FKBP5: variants seen among roughly 807,000 people sequenced by gnomAD.
FKBP5 encodes FKBP prolyl isomerase 5.
A neutral mutation model predicts 50.5 loss-of-function variants in FKBP5; 23 were observed. The observed-to-expected ratio is 0.46, with a 90% CI of 0.33 to 0.65. The LOEUF is 0.65. Ranked by LOEUF, FKBP5 falls within the 30% of genes least tolerant of loss-of-function variation. The pLI, the probability that FKBP5 is intolerant of heterozygous loss-of-function variation, is 0.02. For missense variants in FKBP5, 411 were observed against 553.1 expected (o/e 0.74, Z 2.58); for synonymous variants, 176 against 190.6 (o/e 0.92, Z 0.63).
chr6:35,702,420 AAC>A (rs1766205310), intron 2 of FKBP5, among the ~76,000 whole-genome samples: 1 of 151,860 alleles, frequency 6.6e-6, no homozygotes, highest in South Asian at 2.1e-4. Context: ...ATGGTGCTAA[AAC>A]AACTGGATAA....
chr6:35,640,777 T>A (rs1457099813), intron 2 of FKBP5, among the ~76,000 whole-genome samples: 2 of 152,182 alleles, frequency 1.3e-5, no homozygotes, highest in Non-Finnish European at 2.9e-5. Flanking sequence ...TTAAACTTTT[T>A]TTTGTTTAAA....
chr6:35,667,235 T>C (rs1765259383), intron 1 of FKBP5, among the ~76,000 whole-genome samples: 1 of 152,174 alleles, frequency 6.6e-6, no homozygotes, highest in African/African-American at 2.4e-5. Context: ...TTCATTCAAC[T>C]ATTTATGGAA....
intron 5 of FKBP5, chr6:35,607,566 T>C (rs1763361697): frequency 6.6e-6 from 1 of 152,390 alleles, no homozygotes; most frequent in African/African-American, 2.4e-5. Flanking sequence ...TGTCCATCAA[T>C]GGTGGATTGG....
At chr6:35,718,785 GCCTCAGCCTCTCC>G (rs1049596129) in intron 2 of FKBP5, among the ~76,000 whole-genome samples, 152 of 152,336 alleles carry the variant, frequency 1.0e-3, no homozygotes, top group Middle Eastern at 6.8e-3. Context: ...TACTTTGACA[GCCTCAGCCTCTCC>G]CCTCCCCAGG....
intron 8 of FKBP5, chr6:35,581,811 A>G (rs1762441014): frequency 1.0e-5 from 10 of 985,490 alleles, no homozygotes; most frequent in Non-Finnish European, 1.1e-5. Context: ...CTATTAGGAC[A>G]TTAAATTCAA....
chr6:35,723,141 G>A (rs1010402559), intron 1 of FKBP5, among the ~76,000 whole-genome samples: 8 of 152,150 alleles, frequency 5.3e-5, no homozygotes, highest in African/African-American at 1.7e-4. Context: ...GCTGAGGCAG[G>A]AGAATTGCTT....
intron 4 of FKBP5, among the ~76,000 whole-genome samples, 190 bp from the exon 5 acceptor site, chr6:35,619,400 G>T (rs931399194): frequency 6.6e-6 from 1 of 150,600 alleles, no homozygotes; most frequent in Non-Finnish European, 1.5e-5. Context: ...TTCCATACTT[G>T]GAAAGAATTT....
intron 1 of FKBP5, among the ~76,000 whole-genome samples, chr6:35,657,140 G>A (rs576976791): frequency 6.6e-6 from 1 of 152,100 alleles, no homozygotes; most frequent in Admixed American, 6.5e-5. Flanking sequence ...GCGTGAACCC[G>A]GGAGGCGGAG....
At chr6:35,583,476 T>C (rs918601605) in intron 8 of FKBP5, 23 of 985,336 alleles carry the variant, frequency 2.3e-5, no homozygotes, top group African/African-American at 8.7e-5. Context: ...CTTGCATATA[T>C]ATCATGTAAC....
intron 1 of FKBP5, among the ~76,000 whole-genome samples, chr6:35,682,800 T>C (rs1765705080): frequency 6.6e-6 from 1 of 151,650 alleles, no homozygotes; most frequent in Non-Finnish European, 1.5e-5. Flanking sequence ...CCCAGCACTT[T>C]GGGAGGCTGA....
Position 35,642,732 on chromosome 6 carries a change from C to T in FKBP5, c.93G>A (p.Arg31=). 6.2e-7 allele frequency: 1 copy of T among 1,613,692 alleles called. No individual in the cohort carries two copies. The highest frequency in any genetic ancestry group is 8.5e-7 in the Non-Finnish European group (1 of 1,179,738). ...TTTGTGGCCTCACCTTTAATACTCC[C>T]CTGTCTTTTTTGGAGGTAATATCCT... The part of the protein sequence containing the change: ...QGEDITSKKD[R]GVLKIVKRVG... The change falls in exon 2 of 11, where the codon AGG becomes AGA. Residue 31 remains arginine, a synonymous_variant. Transcript: ENST00000357266.
At chr6:35,675,415 C>T (rs1765500133) in intron 1 of FKBP5, among the ~76,000 whole-genome samples, 1 of 152,134 alleles carries the variant, frequency 6.6e-6, no homozygotes, top group Non-Finnish European at 1.5e-5. Flanking sequence ...ACTAAAAATG[C>T]AAACATTAGC....
intron 2 of FKBP5, among the ~76,000 whole-genome samples, chr6:35,710,670 T>A (rs1451573986): frequency 6.6e-6 from 1 of 152,140 alleles, no homozygotes; most frequent in Non-Finnish European, 1.5e-5. Context: ...AAAACATGTG[T>A]CCTCAAAAGG....
intron 2 of FKBP5, 41 bp downstream of exon 2, chr6:35,642,679 C>G: frequency 6.7e-7 from 1 of 1,487,774 alleles, no homozygotes; most frequent in South Asian, 1.2e-5. Context: ...TCTTTCCAGA[C>G]AGCAGGTTTC....
intron 1 of FKBP5, among the ~76,000 whole-genome samples, chr6:35,654,087 T>C (rs1764885067): frequency 6.6e-6 from 1 of 152,206 alleles, no homozygotes; most frequent in Non-Finnish European, 1.5e-5. Context: ...GTGCATATGG[T>C]CAATTGACAA....
chr6:35,678,031 C>T (rs1765571534), intron 1 of FKBP5, among the ~76,000 whole-genome samples: 1 of 152,092 alleles, frequency 6.6e-6, no homozygotes. Context: ...ATTATAGACT[C>T]GGGATAACAT....
In FKBP5 at chr6:35,620,154, G is replaced by C. The variant is rs773340089; in HGVS notation, c.371C>G (p.Ser124Trp). Residue 124 changes from serine (S) to tryptophan (W), a missense_variant, in exon 4 of 11, where the codon TCG (serine) becomes TGG (tryptophan). Ser to Trp is a radical substitution (Grantham distance 177). Transcript: ENST00000357266. ...GSAGSLPKIP[S>W]NATLFFEIEL... ...TGCCTCAAAAAAGAGAGTTGCATTC[G>C]AGGGAATTTTAGGGAGACTGCCAGC... The C allele has an allele frequency of 4.6e-5, 74 of 1,613,992 alleles. No individual in the cohort carries two copies. Among genetic ancestry groups the C allele is most frequent in the Non-Finnish European group, 5.8e-5 (69 of 1,180,024 alleles).
chr6:35,612,061 G>A (rs1763509298), intron 5 of FKBP5, among the ~76,000 whole-genome samples: 1 of 152,114 alleles, frequency 6.6e-6, no homozygotes, highest in African/African-American at 2.4e-5. Flanking sequence ...GTAGAGCCAA[G>A]AGGATTTGCT....
At chr6:35,692,170 A>G (rs1766000961), upstream of FKBP5, among the ~76,000 whole-genome samples, 1 of 152,176 alleles carries the variant, frequency 6.6e-6, no homozygotes, top group South Asian at 2.1e-4. Flanking sequence ...TTTAGAGACA[A>G]GGGCTCACTC....
Sources: gnomAD v4.1 joint callset for allele counts (sites outside exome capture counted in the v4.1 genomes callset) on GRCh38, gnomAD v4.1.1 for gene constraint, MANE v1.5 for transcripts, NCBI Gene and HGNC (gene_info 2026-07-23, HGNC 2026-07-21) for gene names.